PHTF2: variants seen among roughly 807,000 people sequenced by gnomAD.
PHTF2 encodes protein PHTF2.
PHTF2 carries 60 observed loss-of-function variants against 101.2 expected under a neutral mutation model. That is an observed-to-expected ratio of 0.59 (90% CI 0.48 to 0.73). PHTF2 has a LOEUF of 0.73. Among genes scored for constraint, PHTF2 ranks in the 30% least tolerant of loss-of-function variants. The pLI is 0.00. For missense variants in PHTF2, 747 were observed against 908.7 expected (o/e 0.82, Z 2.29); for synonymous variants, 311 against 307.3 (o/e 1.01, Z -0.13).
intron 9 of PHTF2, 39 bp from the exon 9 acceptor site, chr7:77,920,240 G>A (rs1322555156): frequency 1.8e-6 from 2 of 1,134,932 alleles, no homozygotes; most frequent in South Asian, 2.9e-5. Context: ...TCCAAAATAA[G>A]CTAAGTCCAA....
intron 3 of PHTF2, among the ~76,000 whole-genome samples, chr7:77,861,622 G>T (rs1189402847): frequency 6.6e-6 from 1 of 152,132 alleles, no homozygotes; most frequent in East Asian, 1.9e-4. Flanking sequence ...TAATCAGTTT[G>T]CAGAATTGTA....
intron 12 of PHTF2, 134 bp downstream of exon 11, chr7:77,929,461 C>T (rs1249725852): frequency 3.4e-6 from 2 of 587,264 alleles, no homozygotes; most frequent in Non-Finnish European, 6.0e-6. Flanking sequence ...TTTATGTGAG[C>T]TGTGGTCTGG....
intron 12 of PHTF2, among the ~76,000 whole-genome samples, chr7:77,935,142 C>G (rs1584760617): frequency 9.4e-6 from 1 of 106,288 alleles, no homozygotes; most frequent in Non-Finnish European, 1.9e-5. Context: ...CACACACACA[C>G]AGAGGAATAT....
At chr7:77,799,070 T>A (rs1252638253) in intron 1 of PHTF2, 99 bp downstream of exon 1, 1 of 152,444 alleles carries the variant, frequency 6.6e-6, no homozygotes, top group Non-Finnish European at 1.5e-5. Context: ...AGGAGAGCGG[T>A]CGTCGGGATG....
At chr7:77,900,743 T>C (rs1322711274) in exon 6 of PHTF2, 1 of 1,579,972 alleles carries the variant, frequency 6.3e-7, no homozygotes. Context: ...AAACAGCACA[T>C]GTGAAACCAG....
At chr7:77,899,415 T>C (rs1384435538) in intron 5 of PHTF2, among the ~76,000 whole-genome samples, 3 of 151,990 alleles carry the variant, frequency 2.0e-5, no homozygotes, top group African/African-American at 4.8e-5. Context: ...TGAACGTTGA[T>C]TTGGGGGTAC....
intron 1 of PHTF2, among the ~76,000 whole-genome samples, chr7:77,801,585 A>C (rs184910456): frequency 1.3e-5 from 2 of 152,228 alleles, no homozygotes; most frequent in African/African-American, 4.8e-5. Flanking sequence ...ACACCGTCTC[A>C]AAAACAAAAA....
At chr7:77,806,486 T>G (rs1198883277) in intron 1 of PHTF2, among the ~76,000 whole-genome samples, 1 of 152,184 alleles carries the variant, frequency 6.6e-6, no homozygotes, top group Non-Finnish European at 1.5e-5. Context: ...GACTTTCTTT[T>G]CATTAGTGTT....
At chr7:77,907,795 AC>A (rs1358811600) in intron 7 of PHTF2, 1 of 152,270 alleles carries the variant, frequency 6.6e-6, no homozygotes, top group Middle Eastern at 3.2e-3. Flanking sequence ...TAACCACATT[AC>A]AGTGATAACA....
rs531478484 is a variant in PHTF2 at position 77,929,757 on chromosome 7, T to C, written c.1338+430T>C. 7.2e-5 allele frequency among the ~76,000 whole-genome samples: 11 copies of C among 152,310 alleles called. No homozygotes were observed. The East Asian group carries it at 2.1e-3, about 29-fold the overall frequency. On this transcript the variant is annotated intron_variant, in intron 12 of 19. Coordinates refer to ENST00000416283, the Ensembl canonical transcript of PHTF2. ...AGAGTCAGATGTATAATTTTTAATT[T>C]TCTGGTAGCCTCATTAAATATTTTT...
chr7:77,898,228 A>G (rs1274594913), intron 5 of PHTF2, among the ~76,000 whole-genome samples: 1 of 152,128 alleles, frequency 6.6e-6, no homozygotes, highest in African/African-American at 2.4e-5. Flanking sequence ...GGGACTTTTG[A>G]TTCTTAAAAC....
chr7:77,811,630 T>C (rs1244371819), intron 1 of PHTF2, among the ~76,000 whole-genome samples: 4 of 152,252 alleles, frequency 2.6e-5, no homozygotes, highest in Admixed American at 1.3e-4. Context: ...GAATTCTTGT[T>C]TTATCATTTT....
intron 2 of PHTF2, among the ~76,000 whole-genome samples, chr7:77,846,835 G>A (rs1413225902): frequency 6.6e-6 from 1 of 151,870 alleles, no homozygotes; most frequent in Non-Finnish European, 1.5e-5. Context: ...TAGAGGCTGG[G>A]TCTTGCTCTG....
intron 3 of PHTF2, among the ~76,000 whole-genome samples, chr7:77,885,530 C>T (rs4729846): frequency 0.097 from 14,757 of 152,044 alleles, 967 homozygotes; most frequent in South Asian, 0.19. Flanking sequence ...CTGCAACCTC[C>T]GCCTCCCAGG....
exon 14 of PHTF2, chr7:77,940,136 T>C: frequency 6.2e-7 from 1 of 1,613,906 alleles, no homozygotes; most frequent in Non-Finnish European, 8.5e-7. Flanking sequence ...GCTACAGACT[T>C]GGAACAACTC....
intron 1 of PHTF2, among the ~76,000 whole-genome samples, chr7:77,803,893 C>A (rs1266238524): frequency 1.1e-4 from 17 of 152,032 alleles, no homozygotes; most frequent in Admixed American, 1.0e-3. Context: ...ACATTATCAA[C>A]TTTTTTCTGA....
In PHTF2 at chr7:77,940,999, A is replaced by G. The variant is rs373266958; in HGVS notation, c.1872+340A>G. Among the ~76,000 whole-genome samples, 9 of 152,334 alleles carry G rather than the reference A, an allele frequency of 5.9e-5. No individual in the cohort carries two copies. The South Asian group carries it at 1.9e-3, about 32-fold the overall frequency. ...TTTCCTAATTATGGAAGTATGATAT[A>G]AAAACTCTGGAGGGAAGAGGGAAAC... On this transcript the variant is annotated intron_variant, in intron 15 of 19. Coordinates refer to ENST00000416283, the Ensembl canonical transcript of PHTF2.
In PHTF2 at chr7:77,951,728, A is replaced by C; in HGVS notation, c.2211+16A>C. The C allele has an allele frequency of 9.5e-7, 1 of 1,049,940 alleles. No homozygotes were observed. The highest frequency in any genetic ancestry group is 1.5e-5 in the South Asian group (1 of 65,134). The allele number at this position is 1,049,940 out of a possible 1,614,324, so 65.0% of individuals were successfully genotyped here. On this transcript the variant is annotated intron_variant, in intron 18 of 19. Transcript: ENST00000416283. ...ACTGCTAAAGGTAAGAATAGAACTGAAAATGGTTATAATGTCAAATATGCT... is the reference window on the plus strand; with the variant it reads ...ACTGCTAAAGGTAAGAATAGAACTGCAAATGGTTATAATGTCAAATATGCT...
intron 3 of PHTF2, among the ~76,000 whole-genome samples, chr7:77,857,403 G>C (rs781411968): frequency 6.6e-6 from 1 of 152,198 alleles, no homozygotes; most frequent in Non-Finnish European, 1.5e-5. Context: ...CAAGCTTTGA[G>C]TAGTTCAGCC....
Sources: allele counts gnomAD v4.1 joint callset (sites outside exome capture counted in the v4.1 genomes callset), GRCh38; gene constraint gnomAD v4.1.1; transcripts MANE v1.5; gene names NCBI Gene and HGNC (gene_info 2026-07-23, HGNC 2026-07-21).